The following IQGAP3 variants were observed in gnomAD, a reference collection of about 807,000 sequenced individuals.
IQGAP3 encodes the protein ras GTPase-activating-like protein IQGAP3.
In IQGAP3, 165 loss-of-function variants were observed where a neutral mutation model predicts 208.2. The ratio of observed to expected loss-of-function variants is 0.79; its 90% CI spans 0.70 to 0.90. The LOEUF (loss-of-function observed/expected upper bound fraction) is 0.90. Ranked by LOEUF, IQGAP3 falls within the 40% of genes least tolerant of loss-of-function variation. IQGAP3 has a pLI of 0.00. For missense variants in IQGAP3, 1,811 were observed against 2,043.1 expected (o/e 0.89, Z 2.19); for synonymous variants, 703 against 803.6 (o/e 0.87, Z 2.12).
In IQGAP3 at chr1:156,547,422, CACAG is replaced by C. The variant is rs57531481; in HGVS notation, c.2304+647_2304+650del. Among the ~76,000 whole-genome samples, 740 of 144,422 alleles carry C rather than the reference CACAG, an allele frequency of 5.1e-3. 6 individuals carry two copies. Among genetic ancestry groups the C allele is most frequent in the African/African-American group, 0.018 (707 of 38,832 alleles). 94.7% of individuals were successfully genotyped at this position (144,422 alleles called of 152,430 possible). A position where few individuals can be genotyped will look rare whatever the true frequency, so the allele number is the denominator to read the frequency against. The stretch of plus-strand genomic sequence containing the variant: ...ACACACACACACACACACACACACA[CACAG>C]ACACACACACATTTTTAGAGACAGG... On this transcript the variant is annotated intron_variant, in intron 19 of 37. Coordinates refer to ENST00000361170, the MANE Select transcript of IQGAP3 (RefSeq NM_178229.5).
At chr1:156,560,370 C>T (rs1269950090) in intron 11 of IQGAP3, among the ~76,000 whole-genome samples, 2 of 152,036 alleles carry the variant, frequency 1.3e-5, no homozygotes, top group Non-Finnish European at 2.9e-5. Context: ...AATTAGTCTG[C>T]CATGGTGGCA....
At chr1:156,527,537 C>A (rs1306278612) in intron 37 of IQGAP3, among the ~76,000 whole-genome samples, 1 of 152,130 alleles carries the variant, frequency 6.6e-6, no homozygotes, top group African/African-American at 2.4e-5. Flanking sequence ...CCAAAAACAC[C>A]GTTGCTTCAC....
intron 21 of IQGAP3, 24 bp downstream of exon 21, chr1:156,544,128 C>T (rs1300881074): frequency 4.3e-6 from 7 of 1,613,748 alleles, no homozygotes; most frequent in Non-Finnish European, 5.9e-6. Context: ...GGTATGTGGG[C>T]AGGGGGAACA....
intron 12 of IQGAP3, among the ~76,000 whole-genome samples, chr1:156,554,750 C>T (rs1675742175): frequency 6.6e-6 from 1 of 152,164 alleles, no homozygotes; most frequent in South Asian, 2.1e-4. Flanking sequence ...TCCCATTGGT[C>T]CCTACTGCAT....
At chr1:156,563,379 G>C in intron 7 of IQGAP3, 67 bp from the exon 8 acceptor site, 1 of 1,492,648 alleles carries the variant, frequency 6.7e-7, no homozygotes, top group Non-Finnish European at 9.1e-7. Flanking sequence ...GCAACCAGTA[G>C]CAGCCCACTC....
intron 15 of IQGAP3, among the ~76,000 whole-genome samples, chr1:156,551,089 G>A (rs927559558): frequency 4.4e-4 from 67 of 152,234 alleles, no homozygotes; most frequent in Admixed American, 1.5e-3. Context: ...TTGGCACAGA[G>A]TAAGGACTCA....
At position 156,528,512 on chromosome 1, in the gene IQGAP3, G is replaced by A. The variant is rs778008212; in HGVS notation, c.4670C>T (p.Ser1557Phe). Residue 1557 changes from serine to phenylalanine, a missense_variant, in exon 36 of 38, where the codon TCT becomes TTT. Transcript: ENST00000361170. ...CCTGCCCTCCAAAGACACATACTGA[G>A]AGGCGGGAAGATCTTCAATTTCCAC... Reference protein sequence around the residue: ...VLVEIEDLPASHFRNVIFDIT... With the variant: ...VLVEIEDLPAFHFRNVIFDIT... 4 of 1,611,698 alleles carry A rather than the reference G, an allele frequency of 2.5e-6. No individual in the cohort carries two copies. The highest frequency in any genetic ancestry group is 3.4e-6 in the Non-Finnish European group (4 of 1,177,968).
intron 19 of IQGAP3, among the ~76,000 whole-genome samples, chr1:156,547,388 G>GACAGAC (rs1553225630): frequency 2.0e-5 from 3 of 147,328 alleles, no homozygotes; most frequent in Non-Finnish European, 4.5e-5. Context: ...CAGACACACA[G>GACAGAC]ACACACACAC....
chr1:156,534,805 T>C, intron 28 of IQGAP3, 72 bp from the exon 29 acceptor site: 2 of 1,205,826 alleles, frequency 1.7e-6, no homozygotes, highest in Non-Finnish European at 2.3e-6. Context: ...CATTCTCAGC[T>C]TGCTTGGCTG....
rs114753541 is a variant in IQGAP3 at position 156,543,931 on chromosome 1, T to C, written c.2530+50A>G. On this transcript the variant is annotated intron_variant, in intron 22 of 37. Transcript: ENST00000361170. ...GGATGTCTAGACCTGCCTGGCTCTGTGGGGTCCTCTCCCTCCCAACAGCTG... is the reference window on the plus strand; with the variant it reads ...GGATGTCTAGACCTGCCTGGCTCTGCGGGGTCCTCTCCCTCCCAACAGCTG... The C allele has an allele frequency of 2.3e-3, 3,549 of 1,529,058 alleles. 74 individuals are homozygous for C. In the African/African-American group the frequency reaches 0.044, roughly 19 times the overall value. 94.7% of individuals were successfully genotyped at this position (1,529,058 alleles called of 1,614,324 possible).
chr1:156,528,957 C>T lies in IQGAP3; in HGVS notation c.4530G>A (p.Gln1510=). 6.2e-7 allele frequency: 1 copy of T among 1,614,238 alleles called. No homozygotes were observed. The highest frequency in any genetic ancestry group is 8.5e-7 in the Non-Finnish European group (1 of 1,180,044). Residue 1510 remains glutamine (Q), a synonymous_variant, in exon 35 of 38, where the codon CAG becomes CAA. Transcript: ENST00000361170. ...GGTGGTCCAGGCAGGCCCGGATGTA[C>T]TGGCTGTAGTAGTCACCCTGCTCCT... The part of the protein sequence containing the change: ...FYEEQGDYYS[Q]YIRACLDHLA...
At position 156,544,148 on chromosome 1, in the gene IQGAP3, T is replaced by C. The variant is rs563068013; in HGVS notation, c.2460+4A>G. ...GTGGGCAGGGGGAACAAGGTGACAC[T>C]CACATTCTTCTGGAAGTAGTGCAGA... is the stretch of plus-strand genomic sequence containing the variant. On this transcript the variant is annotated splice_donor_region_variant and intron_variant, in intron 21 of 37. Transcript: ENST00000361170. 16 of 1,614,070 alleles carry C rather than the reference T, an allele frequency of 9.9e-6. No individual in the cohort carries two copies. In the East Asian group the frequency reaches 2.5e-4, roughly 25 times the overall value.
intron 15 of IQGAP3, 45 bp from the exon 16 acceptor site, chr1:156,550,396 C>T (rs1451410508): frequency 1.4e-6 from 2 of 1,474,252 alleles, no homozygotes; most frequent in South Asian, 2.3e-5. Context: ...CCAAGCTAGT[C>T]TCTCTAGGTT....
intron 27 of IQGAP3, among the ~76,000 whole-genome samples, chr1:156,535,865 A>G (rs1674663057): frequency 6.6e-6 from 1 of 152,202 alleles, no homozygotes; most frequent in South Asian, 2.1e-4. Flanking sequence ...AATGGGAATG[A>G]TCATTCTTGC....
intron 19 of IQGAP3, among the ~76,000 whole-genome samples, chr1:156,546,035 G>T (rs529925681): frequency 8.8e-4 from 134 of 152,254 alleles, no homozygotes; most frequent in African/African-American, 3.2e-3. Context: ...TGTCCATGTT[G>T]GAGCCTAGAG....
At chr1:156,552,980 G>A (rs1321705190) in intron 13 of IQGAP3, among the ~76,000 whole-genome samples, 1 of 152,164 alleles carries the variant, frequency 6.6e-6, no homozygotes, top group Non-Finnish European at 1.5e-5. Context: ...AGGCTGAGTT[G>A]GGAGGATCAC....
rs1394482360 is a variant in IQGAP3 at position 156,528,801 on chromosome 1, G to A, written c.4571+115C>T. 14 of 1,286,104 alleles carry A rather than the reference G, an allele frequency of 1.1e-5. No homozygotes were observed. The Admixed American group carries it at 2.6e-4, about 24-fold the overall frequency. The allele number at this position is 1,286,104 out of a possible 1,614,324, so 79.7% of individuals were successfully genotyped here. The stretch of plus-strand genomic sequence containing the variant: ...CAAAGACCAGACTTAGGAAGGGACT[G>A]TGCTGTGCTGGGTGAGATTCCCCTT... On this transcript the variant is annotated intron_variant, in intron 35 of 37. Coordinates refer to ENST00000361170, the MANE Select transcript of IQGAP3 (RefSeq NM_178229.5).
intron 27 of IQGAP3, 95 bp from the exon 28 acceptor site, chr1:156,535,342 CA>C: frequency 1.2e-6 from 1 of 821,536 alleles, no homozygotes; most frequent in Non-Finnish European, 2.0e-6. Flanking sequence ...TCTTCTCCCC[CA>C]GGCTCAGCCA....
At position 156,556,562 on chromosome 1, in the gene IQGAP3, C is replaced by G; in HGVS notation, c.1261G>C (p.Glu421Gln). The G allele has an allele frequency of 6.2e-7, 1 of 1,613,670 alleles. No homozygotes were observed. Residue 421 changes from glutamate (E) to glutamine (Q), a missense_variant, in exon 12 of 38, where the codon GAG (glutamate) becomes CAG (glutamine). By Grantham distance (29) the Glu-to-Gln change is conservative. Transcript: ENST00000361170. Reference sequence around the variant, plus strand: ...TGCTGCTGCTGGAGCACTGCCAGCTCCAGCTGGTACATAGACGATGCAACA... The same window carrying G: ...TGCTGCTGCTGGAGCACTGCCAGCTGCAGCTGGTACATAGACGATGCAACA... ...YPVASSMYQL[E>Q]LAVLQQQQGE...
Sources: allele counts gnomAD v4.1 joint callset (sites outside exome capture counted in the v4.1 genomes callset), GRCh38; gene constraint gnomAD v4.1.1; transcripts MANE v1.5; gene names NCBI Gene and HGNC (gene_info 2026-07-23, HGNC 2026-07-21).